IMMP1L: variants seen among roughly 807,000 people sequenced by gnomAD.
The protein encoded by IMMP1L is mitochondrial inner membrane protease subunit 1.
In IMMP1L, 24 loss-of-function variants were observed where a neutral mutation model predicts 21.8. The observed-to-expected ratio is 1.10, with a 90% CI of 0.80 to 1.55. IMMP1L has a LOEUF of 1.55. Among genes scored for constraint, IMMP1L ranks in the 40% most tolerant of loss-of-function variants. The probability of loss-of-function intolerance (pLI) is 0.00; values close to 1 mark genes in which losing one functional copy is unlikely to be tolerated. For missense variants in IMMP1L, 195 were observed against 200.7 expected (o/e 0.97, Z 0.17); for synonymous variants, 46 against 62.8 (o/e 0.73, Z 1.26).
chr11:31,456,123 T>TA (rs1554941977), intron 4 of IMMP1L, 137 bp downstream of exon 4: 1 of 534,358 alleles, frequency 1.9e-6, no homozygotes, highest in Non-Finnish European at 3.2e-6. Context: ...TTGTTCTTGA[T>TA]ATAAACATTT....
intron 1 of IMMP1L, among the ~76,000 whole-genome samples, chr11:31,481,476 G>A (rs1954889112): frequency 6.6e-6 from 1 of 151,638 alleles, no homozygotes; most frequent in Non-Finnish European, 1.5e-5. Context: ...ACTGTAACGG[G>A]AGACAAAAAA....
chr11:31,505,547 G>C (rs781684201), intron 1 of IMMP1L, among the ~76,000 whole-genome samples: 5 of 152,172 alleles, frequency 3.3e-5, no homozygotes, highest in Non-Finnish European at 7.3e-5. Flanking sequence ...TTATAACACA[G>C]ATACTAAAAC....
chr11:31,507,055 G>A (rs530971941), intron 1 of IMMP1L, among the ~76,000 whole-genome samples: 57 of 152,178 alleles, frequency 3.7e-4, no homozygotes, highest in Non-Finnish European at 1.8e-4. Flanking sequence ...CGAGGTGGGC[G>A]GATCACGAGG....
chr11:31,432,998 T>C (rs1952966213), intron 5 of IMMP1L, among the ~76,000 whole-genome samples: 1 of 152,196 alleles, frequency 6.6e-6, no homozygotes. Context: ...TTCTCCTCAC[T>C]GATTGTGATA....
At chr11:31,445,151 T>A (rs938236243) in intron 4 of IMMP1L, among the ~76,000 whole-genome samples, 1 of 152,216 alleles carries the variant, frequency 6.6e-6, no homozygotes, top group African/African-American at 2.4e-5. Context: ...CCCAACTTAA[T>A]TCAACAAAGG....
At chr11:31,499,035 C>T (rs1322160797) in intron 1 of IMMP1L, among the ~76,000 whole-genome samples, 3 of 152,076 alleles carry the variant, frequency 2.0e-5, no homozygotes, top group Non-Finnish European at 4.4e-5. Context: ...GATTCTGGTT[C>T]AAAACTGCAG....
intron 1 of IMMP1L, among the ~76,000 whole-genome samples, chr11:31,507,258 G>C (rs998933757): frequency 9.9e-5 from 15 of 151,286 alleles, no homozygotes; most frequent in Non-Finnish European, 2.2e-4. Flanking sequence ...CCAGCCCGGG[G>C]AACACACCTA....
intron 4 of IMMP1L, among the ~76,000 whole-genome samples, chr11:31,439,489 G>C (rs1953245162): frequency 6.6e-6 from 1 of 152,112 alleles, no homozygotes. Flanking sequence ...TAGAATTGGT[G>C]TTTTAGAGTG....
chr11:31,486,445 A>ACTAGATCTATTTATATGT (rs1955080004), intron 1 of IMMP1L, among the ~76,000 whole-genome samples: 1 of 151,880 alleles, frequency 6.6e-6, no homozygotes, highest in African/African-American at 2.4e-5. Flanking sequence ...CAATACTATA[A>ACTAGATCTATTTATATGT]CTAGATCTAT....
chr11:31,461,131 T>C (rs1307198699), intron 2 of IMMP1L, among the ~76,000 whole-genome samples: 1 of 152,242 alleles, frequency 6.6e-6, no homozygotes, highest in Non-Finnish European at 1.5e-5. Flanking sequence ...TTCTTATTAC[T>C]ATCAGATATA....
At chr11:31,437,192 AT>A (rs765647032) in intron 4 of IMMP1L, 1 of 439,680 alleles carries the variant, frequency 2.3e-6, no homozygotes, top group South Asian at 1.6e-5. Flanking sequence ...ATATATTTAG[AT>A]TTTGGAATAT....
chr11:31,438,077 C>T (rs1016483576), intron 4 of IMMP1L, among the ~76,000 whole-genome samples: 1 of 152,118 alleles, frequency 6.6e-6, no homozygotes, highest in Non-Finnish European at 1.5e-5. Context: ...CAGTAAGTAT[C>T]TAAGGGTGGA....
chr11:31,472,508 C>G (rs1056422094), intron 1 of IMMP1L, among the ~76,000 whole-genome samples: 1 of 152,270 alleles, frequency 6.6e-6, no homozygotes, highest in East Asian at 1.9e-4. Context: ...TGTTGTATAA[C>G]TTACCATGTA....
chr11:31,444,990 T>C (rs1953466829), intron 4 of IMMP1L, among the ~76,000 whole-genome samples: 1 of 152,168 alleles, frequency 6.6e-6, no homozygotes, highest in Non-Finnish European at 1.5e-5. Flanking sequence ...TCCCTGTGTT[T>C]TACCTCTGTC....
In IMMP1L at chr11:31,440,399, T is replaced by C. The variant is rs11031380; in HGVS notation, c.322-6829A>G. 5.2e-3 allele frequency among the ~76,000 whole-genome samples: 791 copies of C among 152,276 alleles called. 8 individuals carry two copies. Among genetic ancestry groups the C allele is most frequent in the African/African-American group, 0.018 (756 of 41,554 alleles). The stretch of plus-strand genomic sequence containing the variant: ...AAATTACATAATTTAAAAAAAACTT[T>C]TTTTTCTTTGAGACAAAATGTCGCT... On this transcript the variant is annotated intron_variant, in intron 4 of 5. Transcript: ENST00000532287.
intron 1 of IMMP1L, among the ~76,000 whole-genome samples, chr11:31,504,298 G>T (rs1480762954): frequency 6.6e-6 from 1 of 152,158 alleles, no homozygotes; most frequent in Non-Finnish European, 1.5e-5. Flanking sequence ...TATTTGTAAT[G>T]AATTTATTTG....
At chr11:31,438,558 T>C (rs917609033) in intron 4 of IMMP1L, among the ~76,000 whole-genome samples, 8 of 152,158 alleles carry the variant, frequency 5.3e-5, no homozygotes, top group African/African-American at 1.7e-4. Context: ...TTCGTGCTTT[T>C]CGTGTCCTAA....
intron 1 of IMMP1L, among the ~76,000 whole-genome samples, chr11:31,497,570 T>A (rs1955492147): frequency 6.6e-6 from 1 of 151,100 alleles, no homozygotes; most frequent in Non-Finnish European, 1.5e-5. Flanking sequence ...CAAGCAATTC[T>A]CCTGCCTCAG....
chr11:31,504,988 C>T (rs1345476837), intron 1 of IMMP1L, among the ~76,000 whole-genome samples: 3 of 152,144 alleles, frequency 2.0e-5, no homozygotes, highest in African/African-American at 7.2e-5. Flanking sequence ...TCTGTGTAGA[C>T]ATGACCTTAG....
Sources: gnomAD v4.1 joint callset for allele counts (sites outside exome capture counted in the v4.1 genomes callset) on GRCh38, gnomAD v4.1.1 for gene constraint, MANE v1.5 for transcripts, NCBI Gene and HGNC (gene_info 2026-07-23, HGNC 2026-07-21) for gene names.